ARIH1: variants seen among roughly 807,000 people sequenced by gnomAD.
The protein encoded by ARIH1 is E3 ubiquitin-protein ligase ARIH1.
A neutral mutation model predicts 85.0 loss-of-function variants in ARIH1; 8 were observed. The ratio of observed to expected loss-of-function variants is 0.09; its 90% CI spans 0.06 to 0.17. The LOEUF is 0.17. Among genes scored for constraint, ARIH1 ranks in the 10% least tolerant of loss-of-function variants. The pLI is 1.00. For synonymous variants in ARIH1, 238 were observed against 253.6 expected (o/e 0.94, Z 0.59); for missense variants, 311 against 718.1 (o/e 0.43, Z 6.48).
rs906876191 is a variant in ARIH1 at position 72,582,601 on chromosome 15, T to A, written c.1589+414T>A. 9.6e-4 allele frequency among the ~76,000 whole-genome samples: 146 copies of A among 151,478 alleles called. No individual in the cohort carries two copies. Among genetic ancestry groups the A allele is most frequent in the South Asian group, 1.9e-3 (9 of 4,812 alleles). On this transcript the variant is annotated intron_variant, in intron 13 of 13. Coordinates refer to ENST00000379887, the MANE Select transcript of ARIH1 (RefSeq NM_005744.5). The surrounding 1 kb of genome is among the most constrained non-coding windows in gnomAD (Gnocchi z 4.6). ...TTTTATTACATATATATATATATAT[T>A]TTTTTAATCTAAGGAGATACTTGTC...
chr15:72,510,083 GA>G (rs2063943222), intron 1 of ARIH1, among the ~76,000 whole-genome samples: 1 of 152,056 alleles, frequency 6.6e-6, no homozygotes, highest in African/African-American at 2.4e-5. Flanking sequence ...CTTCTGGCCT[GA>G]GCCCTGTAAT....
intron 1 of ARIH1, among the ~76,000 whole-genome samples, chr15:72,497,388 G>C (rs984212021): frequency 6.6e-6 from 1 of 151,972 alleles, no homozygotes; most frequent in Non-Finnish European, 1.5e-5. Flanking sequence ...TTAAATGTTT[G>C]TACCATTTAC....
Position 72,493,273 on chromosome 15 carries a change from G to T in ARIH1, c.375+18259G>T, listed in dbSNP as rs867927707. ...CTAATCCAGACTAACACTTTTTGGG[G>T]GGGGAGGTCAGAACCCAGAATAAAG... On this transcript the variant is annotated intron_variant, in intron 1 of 13. Transcript: ENST00000379887. Among the ~76,000 whole-genome samples, 9 of 152,228 alleles carry T rather than the reference G, an allele frequency of 5.9e-5. No homozygotes were observed. The South Asian group carries it at 1.5e-3, about 25-fold the overall frequency.
intron 7 of ARIH1, among the ~76,000 whole-genome samples, chr15:72,563,780 A>G (rs981308051): frequency 5.9e-5 from 9 of 152,156 alleles, no homozygotes; most frequent in African/African-American, 2.2e-4. Flanking sequence ...ACTGTAACTT[A>G]ATGGGAGCAA....
intron 1 of ARIH1, among the ~76,000 whole-genome samples, chr15:72,509,089 C>T (rs1417429276): frequency 6.6e-6 from 1 of 150,836 alleles, no homozygotes; most frequent in Non-Finnish European, 1.5e-5. Flanking sequence ...TTCCTGGGTT[C>T]AGGTGATTCT....
chr15:72,540,750 C>G (rs1595865297), intron 2 of ARIH1, among the ~76,000 whole-genome samples: 1 of 152,198 alleles, frequency 6.6e-6, no homozygotes, highest in East Asian at 1.9e-4. Flanking sequence ...CTCTTGAGGC[C>G]AAGAGTTCAA....
chr15:72,540,680 C>T (rs1166978425), intron 2 of ARIH1, among the ~76,000 whole-genome samples: 5 of 152,012 alleles, frequency 3.3e-5, no homozygotes. Flanking sequence ...AACTCCAAGC[C>T]ACATGTAGTG....
At position 72,598,888 on chromosome 15, in the gene ARIH1, T is replaced by TC. The variant is rs2064372610; in HGVS notation, c.*15596_*15597insC. ...ATGTGCCACCATGCCTGGCTTTTTTTTTTTTGTAGAGTTTGGGTCTCGCTA... is the reference window on the plus strand; with the variant it reads ...ATGTGCCACCATGCCTGGCTTTTTTTCTTTTTGTAGAGTTTGGGTCTCGCTA... On this transcript the variant is annotated 3_prime_UTR_variant, in exon 14 of 14. Transcript: ENST00000379887. 6.6e-6 allele frequency: 1 copy of TC among 151,136 alleles called. No homozygotes were observed. Among genetic ancestry groups the TC allele is most frequent in the African/African-American group, 2.4e-5 (1 of 41,258 alleles). The allele number at this position is 151,136 out of a possible 1,614,324, so 9.4% of individuals were successfully genotyped here.
intron 11 of ARIH1, among the ~76,000 whole-genome samples, chr15:72,578,873 G>A (rs1183007537): frequency 2.1e-5 from 3 of 143,436 alleles, no homozygotes; most frequent in East Asian, 4.4e-4. Context: ...CTGGAGTGCA[G>A]TGGTGCAACT....
intron 1 of ARIH1, among the ~76,000 whole-genome samples, chr15:72,508,864 T>C (rs1413725853): frequency 6.6e-6 from 1 of 151,984 alleles, no homozygotes; most frequent in Non-Finnish European, 1.5e-5. Flanking sequence ...CGGCTAATTT[T>C]TGTATTTTTA....
chr15:72,532,972 GA>G (rs1198812484), intron 2 of ARIH1, among the ~76,000 whole-genome samples: 1 of 152,138 alleles, frequency 6.6e-6, no homozygotes, highest in East Asian at 1.9e-4. Context: ...TTTATCCACT[GA>G]AATGTTAAAA....
chr15:72,524,670 T>C (rs1044260289), intron 2 of ARIH1, among the ~76,000 whole-genome samples: 5 of 152,164 alleles, frequency 3.3e-5, no homozygotes, highest in Admixed American at 3.3e-4. Context: ...ATTTTATGGG[T>C]AAGTTCTGTC....
chr15:72,518,677 A>T (rs2063985682), intron 2 of ARIH1, among the ~76,000 whole-genome samples: 1 of 151,790 alleles, frequency 6.6e-6, no homozygotes, highest in Admixed American at 6.6e-5. Flanking sequence ...AGTTCCAGCT[A>T]CTCAGGAGGC....
intron 1 of ARIH1, among the ~76,000 whole-genome samples, chr15:72,479,263 T>C (rs978436475): frequency 6.6e-6 from 1 of 152,168 alleles, no homozygotes; most frequent in Non-Finnish European, 1.5e-5. Context: ...TCAAGTATTT[T>C]GGATAAGGAA....
At chr15:72,575,164 G>T (rs1411624438) in intron 11 of ARIH1, among the ~76,000 whole-genome samples, 1 of 152,140 alleles carries the variant, frequency 6.6e-6, no homozygotes, top group Non-Finnish European at 1.5e-5. Flanking sequence ...GATTTGTCAT[G>T]CAGGCCAGAG....
Position 72,474,573 on chromosome 15 carries a change from G to A in ARIH1, c.-67G>A, listed in dbSNP as rs1345998804. ...ATCAGCCGGAGCCGGAGCGAGAGCC[G>A]GGGCCTCGGCGTCCCCGCCCTCTCC... On this transcript the variant is annotated 5_prime_UTR_variant, in exon 1 of 14. Coordinates refer to ENST00000379887, the MANE Select transcript of ARIH1 (RefSeq NM_005744.5). 8.2e-6 allele frequency: 12 copies of A among 1,469,524 alleles called. No homozygotes were observed. The highest frequency in any genetic ancestry group is 1.1e-5 in the Non-Finnish European group (12 of 1,113,302). 91.0% of individuals were successfully genotyped at this position (1,469,524 alleles called of 1,614,324 possible).
At chr15:72,553,022 A>C (rs997142835) in intron 3 of ARIH1, among the ~76,000 whole-genome samples, 1 of 151,684 alleles carries the variant, frequency 6.6e-6, no homozygotes, top group Non-Finnish European at 1.5e-5. Context: ...TGATCCGCCC[A>C]CCTCTGCCTC....
chr15:72,498,998 T>G (rs2063891795), intron 1 of ARIH1, among the ~76,000 whole-genome samples: 1 of 57,024 alleles, frequency 1.8e-5, no homozygotes, highest in African/African-American at 4.4e-5. Context: ...TTTTTTTTTT[T>G]GAGACAAAGT....
intron 2 of ARIH1, among the ~76,000 whole-genome samples, chr15:72,521,084 A>G (rs1295026138): frequency 6.6e-6 from 1 of 151,556 alleles, no homozygotes; most frequent in Non-Finnish European, 1.5e-5. Flanking sequence ...GACCCAAGCA[A>G]CCCTTTCACC....
Sources: gnomAD v4.1 joint callset for allele counts (sites outside exome capture counted in the v4.1 genomes callset) on GRCh38, gnomAD v4.1.1 for gene constraint, Gnocchi (gnomAD v3.1) non-coding constraint, MANE v1.5 for transcripts, NCBI Gene and HGNC (gene_info 2026-07-23, HGNC 2026-07-21) for gene names.